LRRD1: variants seen among roughly 807,000 people sequenced by gnomAD.
The protein encoded by LRRD1 is leucine rich repeats and death domain containing 1.
A neutral mutation model predicts 69.5 loss-of-function variants in LRRD1; 49 were observed. That is an observed-to-expected ratio of 0.70 (90% CI 0.56 to 0.89). The LOEUF is 0.89. Among genes scored for constraint, LRRD1 ranks in the 40% least tolerant of loss-of-function variants. The probability of loss-of-function intolerance (pLI) is 0.00; values close to 1 mark genes in which losing one functional copy is unlikely to be tolerated. For synonymous variants in LRRD1, 303 were observed against 338.9 expected (o/e 0.89, Z 1.16); for missense variants, 853 against 956.0 (o/e 0.89, Z 1.42).
In LRRD1 at chr7:92,163,683, G is replaced by T. The variant is rs891981465; in HGVS notation, c.1520C>A (p.Ser507Tyr). The T allele has an allele frequency of 2.7e-6, 4 of 1,497,172 alleles. No homozygotes were observed. Among genetic ancestry groups the T allele is most frequent in the Non-Finnish European group, 3.6e-6 (4 of 1,126,102 alleles). 92.7% of individuals were successfully genotyped at this position (1,497,172 alleles called of 1,614,324 possible). Residue 507 changes from serine to tyrosine, a missense_variant, in exon 2 of 6, where the codon TCT (serine) becomes TAT (tyrosine). Physicochemically the swap from Ser to Tyr is moderately radical, Grantham distance 144. Around this residue, in one of 3 missense-constraint regions of LRRD1, gnomAD observed 739 missense variants for 808.0 expected, o/e 0.91. Coordinates refer to ENST00000458448, the MANE Select transcript of LRRD1 (RefSeq NM_001161528.2). Reference protein sequence around the residue: ...NYISEIPVDISFSKQLLHLEL... With the variant: ...NYISEIPVDIYFSKQLLHLEL... ...TAAATGAAGCAGTTGTTTACTGAAA[G>T]ATATATCCACAGGTATTTCTGAAAT...
intron 3 of LRRD1, among the ~76,000 whole-genome samples, chr7:92,152,473 A>T (rs1459870019): frequency 1.3e-5 from 2 of 152,122 alleles, no homozygotes; most frequent in Admixed American, 6.6e-5. Context: ...TTTTTGTTGA[A>T]TAAGTTTTCA....
chr7:92,157,135 A>G (rs1286042696), intron 3 of LRRD1, among the ~76,000 whole-genome samples: 3 of 150,758 alleles, frequency 2.0e-5, no homozygotes, highest in Admixed American at 6.6e-5. Flanking sequence ...GGCTCAAGCA[A>G]TCCTCCTGCC....
chr7:92,164,892 G>T lies in LRRD1; in HGVS notation c.311C>A (p.Thr104Asn), dbSNP rs1788872831. 1 of 1,551,416 alleles carries T rather than the reference G, an allele frequency of 6.4e-7. No individual in the cohort carries two copies. Among genetic ancestry groups the T allele is most frequent in the Non-Finnish European group, 8.7e-7 (1 of 1,146,914 alleles). Residue 104 changes from threonine to asparagine, a missense_variant, in exon 2 of 6, where the codon ACT becomes AAT. Physicochemically the swap from Thr to Asn is moderately conservative, Grantham distance 65. Transcript: ENST00000458448. The stretch of plus-strand genomic sequence containing the variant: ...AGCCTGATATTCTGCAGTCCTCCCA[G>T]TTAGTGATGATAAACTCTGTGAAGT... ...TGTSQSLSSL[T>N]GRTAEYQALV...
chr7:92,163,526 G>A lies in LRRD1; in HGVS notation c.1677C>T (p.His559=), dbSNP rs760978213. ...PASISNMISL[H]VLILCCNKFE... ...ATTTATTACAGCATAAAATAAGTAC[G>A]TGGAGTGATATCATATTAGAAATTG... Residue 559 remains histidine (H), a synonymous_variant, in exon 2 of 6, where the codon CAC becomes CAT. Coordinates refer to ENST00000458448, the MANE Select transcript of LRRD1 (RefSeq NM_001161528.2). 6.9e-5 allele frequency: 105 copies of A among 1,529,090 alleles called. No individual in the cohort carries two copies. Among genetic ancestry groups the A allele is most frequent in the Middle Eastern group, 1.7e-4 (1 of 5,868 alleles). 94.7% of individuals were successfully genotyped at this position (1,529,090 alleles called of 1,614,324 possible). A position where few individuals can be genotyped will look rare whatever the true frequency, so the allele number is the denominator to read the frequency against.
rs544392328 is a variant in LRRD1 at position 92,152,449 on chromosome 7, C to T, written c.2117-1754G>A. Among the ~76,000 whole-genome samples the T allele has an allele frequency of 3.9e-5, 6 of 152,084 alleles. No homozygotes were observed. The South Asian group carries it at 1.2e-3, about 32-fold the overall frequency. ...CAATTACAAAGGAAGCTTCTCTATACATTTGTACTCAGTTTTTTGTTGAAT... is the reference window on the plus strand; with the variant it reads ...CAATTACAAAGGAAGCTTCTCTATATATTTGTACTCAGTTTTTTGTTGAAT... On this transcript the variant is annotated intron_variant, in intron 3 of 5. Coordinates refer to ENST00000458448, the MANE Select transcript of LRRD1 (RefSeq NM_001161528.2).
intron 2 of LRRD1, among the ~76,000 whole-genome samples, chr7:92,163,014 A>G (rs1465462174): frequency 6.6e-6 from 1 of 152,198 alleles, no homozygotes; most frequent in Admixed American, 6.5e-5. Flanking sequence ...CTCCTTTTAC[A>G]ATTACACCAA....
chr7:92,142,183 CT>C (rs1177016362), downstream of LRRD1: 2 of 253,770 alleles, frequency 7.9e-6, no homozygotes, highest in Non-Finnish European at 1.6e-5. Flanking sequence ...ACCTCGTGAT[CT>C]GCCCGTCTCA....
intron 4 of LRRD1, 123 bp downstream of exon 4, chr7:92,150,411 G>T: frequency 1.3e-6 from 1 of 795,004 alleles, no homozygotes; most frequent in Non-Finnish European, 1.8e-6. Flanking sequence ...GCTGCAGTGA[G>T]TCGTGATCAT....
intron 1 of LRRD1, among the ~76,000 whole-genome samples, chr7:92,172,423 T>C (rs1382660673): frequency 6.6e-6 from 1 of 152,176 alleles, no homozygotes; most frequent in East Asian, 1.9e-4. Context: ...CAGGCGATAT[T>C]ATTTTACACT....
chr7:92,155,174 T>C (rs1788625289), intron 3 of LRRD1, among the ~76,000 whole-genome samples: 1 of 152,166 alleles, frequency 6.6e-6, no homozygotes, highest in South Asian at 2.1e-4. Context: ...GTATCCAAAT[T>C]GCCAGCATCA....
At chr7:92,176,633 G>A (rs529042499) in intron 1 of LRRD1, among the ~76,000 whole-genome samples, 51 of 150,950 alleles carry the variant, frequency 3.4e-4, no homozygotes, top group African/African-American at 1.1e-3. Context: ...GTGCAATCTC[G>A]GCTCACTGCA....
At position 92,163,350 on chromosome 7, in the gene LRRD1, G is replaced by C; in HGVS notation, c.1853C>G (p.Pro618Arg). The change falls in exon 2 of 6, where the codon CCT (proline) becomes CGT (arginine). Residue 618 changes from proline (P) to arginine (R), a missense_variant. Coordinates refer to ENST00000458448, the MANE Select transcript of LRRD1 (RefSeq NM_001161528.2). ...NFSSNQFIHF[P>R]IELCQLQSLE... ...TGATTGAAGTTGGCACAGTTCAATA[G>C]GAAAATGTATAAATTGATTGCTTGA... 1 of 1,539,664 alleles carries C rather than the reference G, an allele frequency of 6.5e-7. No homozygotes were observed. The highest frequency in any genetic ancestry group is 8.7e-7 in the Non-Finnish European group (1 of 1,143,442).
chr7:92,150,775 G>A (rs1820447311), intron 3 of LRRD1, 80 bp from the exon 4 acceptor site: 1 of 1,048,942 alleles, frequency 9.5e-7, no homozygotes, highest in Middle Eastern at 3.0e-4. Flanking sequence ...GTTATGTCTT[G>A]CTGGCAAAGT....
At chr7:92,144,067 T>C (rs547680597), downstream of LRRD1, among the ~76,000 whole-genome samples, 1 of 152,122 alleles carries the variant, frequency 6.6e-6, no homozygotes, top group South Asian at 2.1e-4. Flanking sequence ...GAGGCTCACA[T>C]GACAGACAAG....
At chr7:92,143,340 G>A (rs922753063), downstream of LRRD1, among the ~76,000 whole-genome samples, 2 of 152,178 alleles carry the variant, frequency 1.3e-5, no homozygotes, top group East Asian at 1.9e-4. Flanking sequence ...CGCAGGTAGA[G>A]CTGCCTGTCA....
intron 2 of LRRD1, among the ~76,000 whole-genome samples, chr7:92,162,164 C>T (rs1318606871): frequency 1.3e-5 from 2 of 152,154 alleles, no homozygotes; most frequent in East Asian, 3.9e-4. Flanking sequence ...AGCAAGTATT[C>T]CCTGGAGCAG....
At chr7:92,159,234 A>G in intron 2 of LRRD1, 31 bp from the exon 3 acceptor site, 2 of 1,271,640 alleles carry the variant, frequency 1.6e-6, no homozygotes, top group Non-Finnish European at 1.0e-6. Context: ...TTATACATTT[A>G]TAAATACATA....
intron 3 of LRRD1, among the ~76,000 whole-genome samples, chr7:92,154,867 A>G (rs1363844025): frequency 6.6e-6 from 1 of 152,212 alleles, no homozygotes; most frequent in Non-Finnish European, 1.5e-5. Flanking sequence ...CAAACCAAAT[A>G]CAGTATCAAA....
In LRRD1 at chr7:92,148,632, G is replaced by C. The variant is rs533708074; in HGVS notation, c.2278+1902C>G. Among the ~76,000 whole-genome samples, 28 of 152,262 alleles carry C rather than the reference G, an allele frequency of 1.8e-4. 1 individual carries two copies. The East Asian group carries it at 5.4e-3, about 29-fold the overall frequency. On this transcript the variant is annotated intron_variant, in intron 4 of 5. Coordinates refer to ENST00000458448, the MANE Select transcript of LRRD1 (RefSeq NM_001161528.2). ...TGAAGGCTCCTTGGGTGTAGGGAAA[G>C]GAGATAAATGGCTGAGATTCTAAGC...
Sources: allele counts gnomAD v4.1 joint callset (sites outside exome capture counted in the v4.1 genomes callset), GRCh38; gene constraint gnomAD v4.1.1; regional missense constraint gnomAD v4.1.1; transcripts MANE v1.5; gene names NCBI Gene and HGNC (gene_info 2026-07-23, HGNC 2026-07-21).